Variants in PTPRT observed in about 807,000 individuals in gnomAD.
PTPRT encodes the protein receptor-type tyrosine-protein phosphatase T.
A neutral mutation model predicts 176.8 loss-of-function variants in PTPRT; 56 were observed. That is an observed-to-expected ratio of 0.32 (90% confidence interval 0.26 to 0.40). The LOEUF (loss-of-function observed/expected upper bound fraction) is 0.40. PTPRT is among the 10% of genes least tolerant of loss of function. The pLI, the probability that PTPRT is intolerant of heterozygous loss-of-function variation, is 1.00. For missense variants in PTPRT, 1,540 were observed against 1,908.2 expected, an observed-to-expected ratio of 0.81 and a Z score of 3.60; for synonymous variants, 783 against 739.0, an observed-to-expected ratio of 1.06 and a Z score of -0.96.
chr20:42,686,877 T>G (rs1772821479), intron 6 of PTPRT, among the ~76,000 whole-genome samples: 1 of 152,140 alleles, frequency 6.6e-6, no homozygotes, highest in Admixed American at 6.5e-5. Context: ...TTAGATAAAC[T>G]ATTCGCAAAT....
intron 13 of PTPRT, among the ~76,000 whole-genome samples, chr20:42,278,024 AC>A (rs1282101935): frequency 7.1e-6 from 1 of 139,998 alleles, no homozygotes; most frequent in Non-Finnish European, 1.5e-5. Flanking sequence ...CTTTGCACTT[AC>A]GTCACTTAGA....
intron 2 of PTPRT, among the ~76,000 whole-genome samples, chr20:42,861,459 C>T (rs7264554): frequency 9.1e-4 from 138 of 151,970 alleles, no homozygotes; most frequent in African/African-American, 2.6e-3. Flanking sequence ...GTGAAATTAA[C>T]GTGACACTTA....
At chr20:42,851,920 A>T (rs2078479025) in intron 2 of PTPRT, among the ~76,000 whole-genome samples, 1 of 152,226 alleles carries the variant, frequency 6.6e-6, no homozygotes, top group Admixed American at 6.5e-5. Context: ...AGCATTAATT[A>T]TATAATCTAT....
At chr20:42,034,537 C>T in the PTPRT span, among the ~76,000 whole-genome samples, 2 of 152,228 alleles carry the variant, frequency 1.3e-5, no homozygotes, top group Non-Finnish European at 2.9e-5. Context: ...GAGTCTCAGG[C>T]CAGAGGCTGT....
At chr20:43,091,593 AT>A (rs1002484524) in intron 1 of PTPRT, among the ~76,000 whole-genome samples, 1 of 151,642 alleles carries the variant, frequency 6.6e-6, no homozygotes, top group Non-Finnish European at 1.5e-5. Context: ...TGAAAAAGAG[AT>A]TTTTTCAGCC....
At chr20:42,909,518 G>A (rs1008784996) in intron 1 of PTPRT, among the ~76,000 whole-genome samples, 1 of 152,188 alleles carries the variant, frequency 6.6e-6, no homozygotes, top group Non-Finnish European at 1.5e-5. Context: ...AACACAATGG[G>A]GATAGACTGT....
At chr20:42,551,508 T>TTTTTG (rs1421435742) in intron 7 of PTPRT, among the ~76,000 whole-genome samples, 2 of 152,204 alleles carry the variant, frequency 1.3e-5, no homozygotes, top group African/African-American at 2.4e-5. Context: ...ACAGAGATTT[T>TTTTTG]TTTTGTTTGT....
At chr20:43,176,248 T>C (rs1177729232) in intron 1 of PTPRT, among the ~76,000 whole-genome samples, 1 of 146,834 alleles carries the variant, frequency 6.8e-6, no homozygotes, top group East Asian at 2.0e-4. Flanking sequence ...CCCTGGGCTC[T>C]GACTGTGCCA....
chr20:42,624,325 C>G (rs900183423), intron 7 of PTPRT, among the ~76,000 whole-genome samples: 4 of 152,174 alleles, frequency 2.6e-5, no homozygotes, highest in African/African-American at 9.7e-5. Context: ...ATATAGTAAT[C>G]TCCATTTTAA....
At chr20:42,366,457 G>T (rs995422508) in intron 9 of PTPRT, among the ~76,000 whole-genome samples, 1 of 152,174 alleles carries the variant, frequency 6.6e-6, no homozygotes, top group Non-Finnish European at 1.5e-5. Flanking sequence ...GCTTCCCACT[G>T]GCCAGTAGGG....
At chr20:43,077,283 T>C (rs2011304293) in intron 1 of PTPRT, among the ~76,000 whole-genome samples, 1 of 152,072 alleles carries the variant, frequency 6.6e-6, no homozygotes, top group Admixed American at 6.5e-5. Flanking sequence ...ACAAGGCAGG[T>C]CTTATTAGGT....
At chr20:42,771,212 G>A (rs1476960922) in intron 5 of PTPRT, among the ~76,000 whole-genome samples, 1 of 152,170 alleles carries the variant, frequency 6.6e-6, no homozygotes, top group Non-Finnish European at 1.5e-5. Context: ...ACTTACCAGC[G>A]ACTGACCACA....
chr20:43,099,688 T>C (rs139267516), intron 1 of PTPRT, among the ~76,000 whole-genome samples: 3,022 of 152,222 alleles, frequency 0.02, 106 homozygotes, highest in African/African-American at 0.069. Flanking sequence ...AAAATCCTCA[T>C]CTCCATTCTT....
intron 17 of PTPRT, among the ~76,000 whole-genome samples, chr20:42,152,005 G>C (rs994389561): frequency 6.6e-6 from 1 of 152,198 alleles, no homozygotes; most frequent in African/African-American, 2.4e-5. Context: ...CACATTTACT[G>C]ATGTCGATGG....
At chr20:42,345,603 T>C (rs2058181642) in intron 11 of PTPRT, among the ~76,000 whole-genome samples, 1 of 139,632 alleles carries the variant, frequency 7.2e-6, no homozygotes, top group African/African-American at 2.6e-5. Context: ...TGTGTGTGTG[T>C]GTGTGTGTGT....
chr20:43,095,458 T>C (rs547316889), intron 1 of PTPRT, among the ~76,000 whole-genome samples: 85 of 152,158 alleles, frequency 5.6e-4, no homozygotes, highest in Non-Finnish European at 1.1e-3. Flanking sequence ...GCCCACAACA[T>C]TTGTGTTTCT....
chr20:43,188,764 T>TGGGGG (rs2015463104), intron 1 of PTPRT, among the ~76,000 whole-genome samples: 1 of 49,940 alleles, frequency 2.0e-5, no homozygotes, highest in African/African-American at 6.2e-5. Context: ...GGGGGGGGGC[T>TGGGGG]CGGGGGTGGA....
intron 1 of PTPRT, among the ~76,000 whole-genome samples, chr20:42,921,941 C>T (rs1979171567): frequency 6.6e-6 from 1 of 152,116 alleles, no homozygotes; most frequent in South Asian, 2.1e-4. Context: ...GCTTGTCTTC[C>T]ACCTACTCTT....
At chr20:43,073,187 G>T (rs2011203586) in intron 1 of PTPRT, among the ~76,000 whole-genome samples, 1 of 152,090 alleles carries the variant, frequency 6.6e-6, no homozygotes, top group African/African-American at 2.4e-5. Context: ...AGGAGAAAAT[G>T]CAATCAGCTA....
Sources: allele counts gnomAD v4.1 joint callset (sites outside exome capture counted in the v4.1 genomes callset), GRCh38; gene constraint gnomAD v4.1.1; transcripts MANE v1.5; gene names NCBI Gene and HGNC (gene_info 2026-07-23, HGNC 2026-07-21).